FNDC3B: variants seen among roughly 807,000 people sequenced by gnomAD.
The protein encoded by FNDC3B is fibronectin type III domain containing 3B.
A neutral mutation model predicts 151.5 loss-of-function variants in FNDC3B; 12 were observed. The observed-to-expected ratio is 0.08, with a 90% CI of 0.05 to 0.13. The LOEUF (loss-of-function observed/expected upper bound fraction) is 0.13. FNDC3B is among the 10% of genes least tolerant of loss of function. FNDC3B has a pLI of 1.00. For missense variants in FNDC3B, 1,214 were observed against 1,505.3 expected, an observed-to-expected ratio of 0.81 and a Z score of 3.20; for synonymous variants, 528 against 549.0, an observed-to-expected ratio of 0.96 and a Z score of 0.54.
chr3:172,326,269 C>CT (rs1410283710), intron 11 of FNDC3B, among the ~76,000 whole-genome samples: 5 of 152,210 alleles, frequency 3.3e-5, no homozygotes, highest in Admixed American at 3.3e-4. Context: ...ATCAATAAGC[C>CT]TTAATTCTTT....
chr3:172,084,705 A>G (rs1426271543), intron 1 of FNDC3B, among the ~76,000 whole-genome samples: 5 of 152,248 alleles, frequency 3.3e-5, no homozygotes, highest in East Asian at 1.9e-4. Flanking sequence ...GTCCAGTTAC[A>G]TGGTTTGGCC....
rs1275654881 is a variant in FNDC3B, at chr3:172,333,195, A to G, written c.1641+20A>G. On this transcript the variant is annotated intron_variant, in intron 14 of 25. Transcript: ENST00000415807. Reference sequence around the variant, plus strand: ...TTCAGGGTGAGTCAGTCATTTTGCTACCTGAACTGCTTAAAAATGAAACTG... The same window carrying G: ...TTCAGGGTGAGTCAGTCATTTTGCTGCCTGAACTGCTTAAAAATGAAACTG... 1 of 1,410,846 alleles carries G rather than the reference A, an allele frequency of 7.1e-7. No individual in the cohort carries two copies. The highest frequency in any genetic ancestry group is 2.3e-5 in the East Asian group (1 of 43,988). 87.4% of individuals were successfully genotyped at this position (1,410,846 alleles called of 1,614,324 possible).
At chr3:172,299,119 T>G (rs1730777164) in intron 9 of FNDC3B, among the ~76,000 whole-genome samples, 1 of 152,258 alleles carries the variant, frequency 6.6e-6, no homozygotes, top group African/African-American at 2.4e-5. Context: ...GGCATATCAT[T>G]GTTTCTTATA....
rs559699822 is a variant in FNDC3B, at chr3:172,085,925, T to C, written c.-28-26527T>C. Among the ~76,000 whole-genome samples the C allele has an allele frequency of 1.1e-4, 17 of 152,352 alleles. No individual in the cohort carries two copies. In the East Asian group the frequency reaches 3.3e-3, roughly 29 times the overall value. On this transcript the variant is annotated intron_variant, in intron 1 of 25. Coordinates refer to ENST00000415807, the MANE Select transcript of FNDC3B (RefSeq NM_022763.4). The stretch of plus-strand genomic sequence containing the variant: ...TAGAAGGGCTCTATAGGTGTATACA[T>C]AGTCTCTATTCTAGAGAGCTTTTAT...
At chr3:172,241,493 A>G (rs939781283) in intron 4 of FNDC3B, among the ~76,000 whole-genome samples, 20 of 152,132 alleles carry the variant, frequency 1.3e-4, no homozygotes, top group Non-Finnish European at 1.2e-4. Flanking sequence ...ACAGTTCCAC[A>G]TGGCTTGGGA....
intron 1 of FNDC3B, among the ~76,000 whole-genome samples, chr3:172,074,455 C>T (rs1453241659): frequency 6.6e-6 from 1 of 152,178 alleles, no homozygotes; most frequent in East Asian, 1.9e-4. Flanking sequence ...AAGGTTAAAA[C>T]TTAAAGACAT....
At chr3:172,162,121 G>C (rs1722810599) in intron 3 of FNDC3B, among the ~76,000 whole-genome samples, 1 of 151,958 alleles carries the variant, frequency 6.6e-6, no homozygotes, top group Non-Finnish European at 1.5e-5. Flanking sequence ...GGGACCACAG[G>C]CAATGCGCCA....
At chr3:172,157,378 GT>G (rs749424418) in intron 3 of FNDC3B, among the ~76,000 whole-genome samples, 7 of 151,896 alleles carry the variant, frequency 4.6e-5, no homozygotes, top group Non-Finnish European at 8.8e-5. Flanking sequence ...CTTTCACTTA[GT>G]TTTGCCTCAT....
intron 1 of FNDC3B, among the ~76,000 whole-genome samples, chr3:172,086,300 T>C (rs1211095306): frequency 1.3e-5 from 2 of 151,552 alleles, no homozygotes; most frequent in African/African-American, 4.9e-5. Context: ...GTAGAGGCTG[T>C]AGTGAGCCAT....
intron 3 of FNDC3B, among the ~76,000 whole-genome samples, chr3:172,193,638 T>C (rs953767936): frequency 1.3e-5 from 2 of 151,420 alleles, no homozygotes; most frequent in African/African-American, 2.4e-5. Context: ...TTGTCTAGGA[T>C]TTGGGAAGCC....
At chr3:172,364,663 C>T (rs943893472) in intron 23 of FNDC3B, among the ~76,000 whole-genome samples, 2 of 152,182 alleles carry the variant, frequency 1.3e-5, no homozygotes, top group African/African-American at 4.8e-5. Flanking sequence ...AACAAAAGCT[C>T]CCCAAGCACT....
intron 5 of FNDC3B, among the ~76,000 whole-genome samples, chr3:172,249,729 T>C (rs1011672573): frequency 6.6e-6 from 1 of 152,222 alleles, no homozygotes; most frequent in Non-Finnish European, 1.5e-5. Flanking sequence ...ATACACACTC[T>C]CTGAATAGGA....
chr3:172,178,928 G>T (rs533097060), intron 3 of FNDC3B, among the ~76,000 whole-genome samples: 1 of 152,118 alleles, frequency 6.6e-6, no homozygotes, highest in Non-Finnish European at 1.5e-5. Flanking sequence ...TTTCTGCCTT[G>T]TGATTAAATA....
intron 7 of FNDC3B, among the ~76,000 whole-genome samples, chr3:172,291,669 T>C (rs1277993015): frequency 6.6e-6 from 1 of 152,248 alleles, no homozygotes; most frequent in Admixed American, 6.5e-5. Context: ...ATTACCCCTT[T>C]TATCACCATT....
intron 1 of FNDC3B, among the ~76,000 whole-genome samples, chr3:172,103,869 A>G (rs932510140): frequency 6.6e-6 from 1 of 152,204 alleles, no homozygotes; most frequent in African/African-American, 2.4e-5. Context: ...GCCTCAACCA[A>G]GCAGCTGGGC....
At chr3:172,374,246 CTG>C (rs1227788387) in intron 23 of FNDC3B, among the ~76,000 whole-genome samples, 1 of 152,196 alleles carries the variant, frequency 6.6e-6, no homozygotes, top group Non-Finnish European at 1.5e-5. Context: ...AGAAAAAAAT[CTG>C]TGTTAGCAGT....
intron 11 of FNDC3B, among the ~76,000 whole-genome samples, chr3:172,319,790 G>A (rs1045863708): frequency 3.3e-5 from 5 of 152,140 alleles, no homozygotes; most frequent in East Asian, 1.9e-4. Flanking sequence ...AGGATCAGCC[G>A]GTGCTGGAAC....
intron 22 of FNDC3B, among the ~76,000 whole-genome samples, chr3:172,359,913 G>A (rs913741664): frequency 1.3e-5 from 2 of 152,202 alleles, no homozygotes; most frequent in Non-Finnish European, 2.9e-5. Flanking sequence ...AAACTATGAG[G>A]AGATATTTAT....
At chr3:172,060,132 G>C (rs546652571) in intron 1 of FNDC3B, among the ~76,000 whole-genome samples, 6 of 152,320 alleles carry the variant, frequency 3.9e-5, no homozygotes, top group Admixed American at 2.6e-4. Context: ...CCCGAAGAGA[G>C]AACCCTCATA....
Sources: allele counts gnomAD v4.1 joint callset (sites outside exome capture counted in the v4.1 genomes callset), GRCh38; gene constraint gnomAD v4.1.1; transcripts MANE v1.5; gene names NCBI Gene and HGNC (gene_info 2026-07-23, HGNC 2026-07-21).